ROBO1: variants seen among roughly 807,000 people sequenced by gnomAD.
The protein encoded by ROBO1 is roundabout guidance receptor 1, also known as roundabout homolog 1.
In ROBO1, 149 loss-of-function variants were observed where a neutral mutation model predicts 195.9. The ratio of observed to expected loss-of-function variants is 0.76; its 90% confidence interval spans 0.67 to 0.87. The LOEUF is 0.87. Ranked by LOEUF, ROBO1 falls within the 40% of genes least tolerant of loss-of-function variation. The pLI is 0.00. For synonymous variants in ROBO1, 816 were observed against 733.2 expected, an observed-to-expected ratio of 1.11 and a Z score of -1.82; for missense variants, 1,933 against 2,068.3, an observed-to-expected ratio of 0.93 and a Z score of 1.27.
At chr3:78,756,616 T>C (rs2082938660) in intron 4 of ROBO1, among the ~76,000 whole-genome samples, 2 of 152,264 alleles carry the variant, frequency 1.3e-5, no homozygotes, top group Admixed American at 1.3e-4. Context: ...GGGCACTTAT[T>C]TCAGAATTTT....
chr3:79,411,129 T>C (rs1434065772), intron 2 of ROBO1, among the ~76,000 whole-genome samples: 1 of 152,182 alleles, frequency 6.6e-6, no homozygotes, highest in Non-Finnish European at 1.5e-5. Context: ...AAAGTTCTAC[T>C]TTTAAAGTTC....
At chr3:79,371,822 C>T (rs1249307335) in intron 2 of ROBO1, among the ~76,000 whole-genome samples, 7 of 152,100 alleles carry the variant, frequency 4.6e-5, no homozygotes, top group South Asian at 2.1e-4. Flanking sequence ...AAGGGTGGTG[C>T]CCTCATCTGA....
chr3:79,036,486 A>T (rs1302669683), intron 3 of ROBO1, among the ~76,000 whole-genome samples: 1 of 152,172 alleles, frequency 6.6e-6, no homozygotes, highest in Non-Finnish European at 1.5e-5. Flanking sequence ...TAAGTCTCAT[A>T]TCCAAAGAAA....
In ROBO1 at chr3:79,654,623, A is replaced by C. The variant is rs145576703; in HGVS notation, c.-50-64662T>G. Reference sequence around the variant, plus strand: ...TATTCATCTTTCTTTTAAAAGATGCATTTAATATAAAAATTTGCACATTTA... The same window carrying C: ...TATTCATCTTTCTTTTAAAAGATGCCTTTAATATAAAAATTTGCACATTTA... On this transcript the variant is annotated intron_variant, in intron 1 of 30. Transcript: ENST00000464233. Among the ~76,000 whole-genome samples the C allele has an allele frequency of 8.5e-5, 13 of 152,170 alleles. 1 individual carries two copies. The highest frequency in any genetic ancestry group is 4.1e-4 in the South Asian group (2 of 4,826).
At position 78,958,679 on chromosome 3, in the gene ROBO1, G is replaced by T. The variant is rs930683994; in HGVS notation, c.173-19752C>A. ...GATTAACCAATTCTTTTAAATACAG[G>T]AATCTTATCCTACGTTGACCAATTC... On this transcript the variant is annotated intron_variant, in intron 3 of 30. Transcript: ENST00000464233. Among the ~76,000 whole-genome samples the T allele has an allele frequency of 7.9e-5, 12 of 152,136 alleles. No individual in the cohort carries two copies. The East Asian group carries it at 2.3e-3, about 29-fold the overall frequency.
chr3:79,646,161 A>G (rs1945815844), intron 1 of ROBO1, among the ~76,000 whole-genome samples: 1 of 152,174 alleles, frequency 6.6e-6, no homozygotes, highest in Non-Finnish European at 1.5e-5. Context: ...GAATGAGAAA[A>G]GAAAGGATTA....
chr3:78,981,977 G>A (rs1307099801), intron 3 of ROBO1, among the ~76,000 whole-genome samples: 9 of 152,106 alleles, frequency 5.9e-5, no homozygotes, highest in African/African-American at 2.2e-4. Context: ...AAGACTAAAA[G>A]TTGTTGCCAC....
intron 5 of ROBO1, among the ~76,000 whole-genome samples, chr3:78,739,013 T>C (rs896074947): frequency 6.6e-6 from 1 of 152,110 alleles, no homozygotes; most frequent in Non-Finnish European, 1.5e-5. Context: ...GTAAGGACAG[T>C]AGGAAGAAGA....
At chr3:79,265,803 T>C (rs2083030454) in intron 2 of ROBO1, among the ~76,000 whole-genome samples, 1 of 151,506 alleles carries the variant, frequency 6.6e-6, no homozygotes, top group African/African-American at 2.4e-5. Context: ...TTTGTCATAA[T>C]AAAAATACTT....
chr3:79,407,527 T>C (rs530646487), intron 2 of ROBO1, among the ~76,000 whole-genome samples: 56 of 152,320 alleles, frequency 3.7e-4, no homozygotes, highest in Non-Finnish European at 7.2e-4. Flanking sequence ...TAAGTCATTA[T>C]TGCTTACCTT....
At chr3:79,341,490 G>A (rs2034903485) in intron 2 of ROBO1, among the ~76,000 whole-genome samples, 1 of 150,948 alleles carries the variant, frequency 6.6e-6, no homozygotes, top group African/African-American at 2.5e-5. Context: ...ATTTACCACT[G>A]GTTCTTTTTT....
At chr3:79,092,229 C>T (rs911263938) in intron 3 of ROBO1, among the ~76,000 whole-genome samples, 1 of 152,088 alleles carries the variant, frequency 6.6e-6, no homozygotes, top group Non-Finnish European at 1.5e-5. Context: ...GAATCAACAA[C>T]GATTTCAGAG....
At chr3:78,860,933 C>A (rs2034796649) in intron 4 of ROBO1, among the ~76,000 whole-genome samples, 1 of 152,100 alleles carries the variant, frequency 6.6e-6, no homozygotes, top group East Asian at 1.9e-4. Context: ...TTTCTTCTAC[C>A]TCATTTTCAT....
intron 5 of ROBO1, among the ~76,000 whole-genome samples, chr3:78,730,744 T>C (rs541923393): frequency 5.9e-5 from 9 of 152,192 alleles, no homozygotes; most frequent in Non-Finnish European, 1.3e-4. Context: ...CTTGGCAAAT[T>C]TGTGCCTCAT....
chr3:78,687,392 C>G (rs2081075353), intron 9 of ROBO1, among the ~76,000 whole-genome samples: 1 of 152,236 alleles, frequency 6.6e-6, no homozygotes, highest in African/African-American at 2.4e-5. Context: ...ATACCATAAT[C>G]AAATCAATAT....
chr3:78,998,092 T>G (rs531764816), intron 3 of ROBO1, among the ~76,000 whole-genome samples: 1 of 152,290 alleles, frequency 6.6e-6, no homozygotes, highest in East Asian at 1.9e-4. Flanking sequence ...AAATTGTAAC[T>G]TGCACCTACT....
chr3:79,329,964 C>A (rs182927525), intron 2 of ROBO1, among the ~76,000 whole-genome samples: 1 of 151,998 alleles, frequency 6.6e-6, no homozygotes, highest in Non-Finnish European at 1.5e-5. Flanking sequence ...GATATTTTTA[C>A]TGGAACTCGC....
intron 3 of ROBO1, among the ~76,000 whole-genome samples, chr3:79,077,604 T>C (rs779838616): frequency 2.0e-5 from 3 of 152,040 alleles, no homozygotes; most frequent in Non-Finnish European, 2.9e-5. Context: ...TGCATTATTA[T>C]ATTGTCAGGC....
intron 2 of ROBO1, among the ~76,000 whole-genome samples, chr3:79,153,262 C>T (rs1042097640): frequency 4.6e-5 from 7 of 151,776 alleles, no homozygotes; most frequent in Non-Finnish European, 1.0e-4. Context: ...GTCGCTTAAC[C>T]CTATCTTTAT....
Sources: gnomAD v4.1 joint callset for allele counts (sites outside exome capture counted in the v4.1 genomes callset) on GRCh38, gnomAD v4.1.1 for gene constraint, MANE v1.5 for transcripts, NCBI Gene and HGNC (gene_info 2026-07-23, HGNC 2026-07-21) for gene names.